The following CABLES1 variants were observed in gnomAD, a reference collection of about 807,000 sequenced individuals.
CABLES1 encodes the protein Cdk5 and Abl enzyme substrate 1, also known as CDK5 and ABL1 enzyme substrate 1.
CABLES1 carries 36 observed loss-of-function variants against 57.8 expected under a neutral mutation model. The observed-to-expected ratio is 0.62, with a 90% CI of 0.48 to 0.82. CABLES1 has a LOEUF of 0.82. Ranked by LOEUF, CABLES1 falls within the 40% of genes least tolerant of loss-of-function variation. CABLES1 has a pLI of 0.00. For missense variants in CABLES1, 767 were observed against 836.6 expected (o/e 0.92, Z 1.03); for synonymous variants, 374 against 363.0 (o/e 1.03, Z -0.35).
rs1387700669 is a variant in CABLES1 at position 23,135,611 on chromosome 18, G to A, written c.-152G>A. The A allele has an allele frequency of 1.3e-4, 65 of 495,374 alleles. No homozygotes were observed. Among genetic ancestry groups the A allele is most frequent in the Non-Finnish European group, 1.6e-4 (61 of 383,666 alleles). The allele number at this position is 495,374 out of a possible 1,614,324, so 30.7% of individuals were successfully genotyped here. On this transcript the variant is annotated 5_prime_UTR_variant, in exon 1 of 10. An upstream start codon of the reference 5' UTR is lost. Coordinates refer to ENST00000256925, the MANE Select transcript of CABLES1 (RefSeq NM_001100619.3). ...ATCCCCAGCACCGAGGGGCGAGCATGGCCCGCCCGCGGGGGGGCTGGACCG... is the reference window on the plus strand; with the variant it reads ...ATCCCCAGCACCGAGGGGCGAGCATAGCCCGCCCGCGGGGGGGCTGGACCG...
chr18:23,142,623 CTTA>C (rs2046864557), intron 1 of CABLES1, among the ~76,000 whole-genome samples: 1 of 152,198 alleles, frequency 6.6e-6, no homozygotes, highest in Non-Finnish European at 1.5e-5. Flanking sequence ...CCTTGTATCA[CTTA>C]TTCATTCAAC....
intron 7 of CABLES1, among the ~76,000 whole-genome samples, chr18:23,244,691 C>T (rs974631574): frequency 6.6e-6 from 1 of 152,206 alleles, no homozygotes; most frequent in African/African-American, 2.4e-5. Flanking sequence ...TGGCTGTTGG[C>T]GCTGGAAGGA....
At chr18:23,168,241 C>T (rs753047889) in intron 1 of CABLES1, among the ~76,000 whole-genome samples, 46 of 152,184 alleles carry the variant, frequency 3.0e-4, no homozygotes, top group Middle Eastern at 6.8e-3. Context: ...AATGGATACA[C>T]GAAAATGACG....
At chr18:23,178,982 C>G (rs940329850) in intron 1 of CABLES1, among the ~76,000 whole-genome samples, 1 of 152,144 alleles carries the variant, frequency 6.6e-6, no homozygotes, top group Non-Finnish European at 1.5e-5. Flanking sequence ...TAAAACATAG[C>G]CAGATTCAAA....
At chr18:23,248,538 TAA>T (rs1555671607) in intron 7 of CABLES1, among the ~76,000 whole-genome samples, 8 of 93,610 alleles carry the variant, frequency 8.5e-5, no homozygotes, top group African/African-American at 2.8e-4. Context: ...TTTTTTTTTT[TAA>T]AAAAAGGCTG....
At chr18:23,191,726 T>C (rs1452407516) in intron 2 of CABLES1, among the ~76,000 whole-genome samples, 1 of 152,080 alleles carries the variant, frequency 6.6e-6, no homozygotes, top group Non-Finnish European at 1.5e-5. Context: ...TTTGCATCAC[T>C]TAAAATGTAT....
At chr18:23,254,433 G>A (rs1362088542) in intron 9 of CABLES1, among the ~76,000 whole-genome samples, 1 of 152,178 alleles carries the variant, frequency 6.6e-6, no homozygotes, top group Non-Finnish European at 1.5e-5. Flanking sequence ...CTACATGAAT[G>A]CCTGTTTTAG....
At chr18:23,255,402 A>G (rs769503842) in intron 9 of CABLES1, among the ~76,000 whole-genome samples, 1 of 152,172 alleles carries the variant, frequency 6.6e-6, no homozygotes, top group Non-Finnish European at 1.5e-5. Context: ...CCCCAATTGA[A>G]AAGAGTATTT....
At chr18:23,178,040 T>G (rs2047137389) in intron 1 of CABLES1, among the ~76,000 whole-genome samples, 1 of 152,198 alleles carries the variant, frequency 6.6e-6, no homozygotes, top group Non-Finnish European at 1.5e-5. Flanking sequence ...AGGGTGAAGC[T>G]GGCCCTTTTA....
chr18:23,248,332 C>T lies in CABLES1; in HGVS notation c.1447-4628C>T, dbSNP rs118104551. 1.7e-3 allele frequency among the ~76,000 whole-genome samples: 256 copies of T among 152,180 alleles called. 2 individuals are homozygous for T. The highest frequency in any genetic ancestry group is 5.3e-4 in the Non-Finnish European group (36 of 67,986). On this transcript the variant is annotated intron_variant, in intron 7 of 9. Transcript: ENST00000256925. ...GGTAAATGCAATCAGCAGAATACAG[C>T]GTGTGCAGCAGGCATGGTTCAGTTC...
Position 23,207,641 on chromosome 18 carries a change from C to T in CABLES1, c.1011-6336C>T, listed in dbSNP as rs76526977. Among the ~76,000 whole-genome samples, 7 of 152,260 alleles carry T rather than the reference C, an allele frequency of 4.6e-5. No individual in the cohort carries two copies. The East Asian group carries it at 1.4e-3, about 29-fold the overall frequency. On this transcript the variant is annotated intron_variant, in intron 3 of 9. Transcript: ENST00000256925. ...AGCTGGGCCATTCATCATCAGATCC[C>T]CAGCACCTAGTACAATGTCTGGCAT...
intron 1 of CABLES1, among the ~76,000 whole-genome samples, chr18:23,184,519 G>A (rs538288362): frequency 6.6e-6 from 1 of 152,102 alleles, no homozygotes; most frequent in African/African-American, 2.4e-5. Context: ...CCTGGCCAAT[G>A]TGGCGAAACC....
At chr18:23,162,424 A>G (rs1211549558) in intron 1 of CABLES1, among the ~76,000 whole-genome samples, 1 of 152,220 alleles carries the variant, frequency 6.6e-6, no homozygotes, top group Non-Finnish European at 1.5e-5. Flanking sequence ...TAAATCTGAC[A>G]GTACCTGACC....
intron 4 of CABLES1, among the ~76,000 whole-genome samples, chr18:23,231,997 C>T (rs1175207680): frequency 6.6e-6 from 1 of 152,112 alleles, no homozygotes; most frequent in Non-Finnish European, 1.5e-5. Flanking sequence ...AGTTTCATGC[C>T]ATCTGCATGT....
rs757443766 is a variant in CABLES1, at chr18:23,188,901, T to G, written c.909T>G (p.Pro303=). 3.0e-5 allele frequency: 49 copies of G among 1,610,426 alleles called. No individual in the cohort carries two copies. The South Asian group carries it at 5.4e-4, about 18-fold the overall frequency. The change falls in exon 2 of 10, where the codon CCT becomes CCG. Residue 303 remains proline, a synonymous_variant. Coordinates refer to ENST00000256925, the MANE Select transcript of CABLES1 (RefSeq NM_001100619.3). ...ETLEDIEENA[P]LRRCRTLSGS... ...TGGAAGATATTGAGGAGAACGCCCC[T>G]CTCCGGAGGTAATTTTCTGTTTCAT...
chr18:23,205,547 C>T (rs1011196286), intron 3 of CABLES1, among the ~76,000 whole-genome samples: 1 of 152,112 alleles, frequency 6.6e-6, no homozygotes, highest in African/African-American at 2.4e-5. Context: ...CTTACCTTAG[C>T]CCCCAAAATT....
chr18:23,146,353 G>A (rs1881657291), intron 1 of CABLES1, among the ~76,000 whole-genome samples: 1 of 151,976 alleles, frequency 6.6e-6, no homozygotes, highest in South Asian at 2.1e-4. Flanking sequence ...GCCCAGGCTG[G>A]AGTGCAATGC....
intron 3 of CABLES1, among the ~76,000 whole-genome samples, chr18:23,209,879 G>C (rs184599085): frequency 3.7e-4 from 56 of 149,490 alleles, no homozygotes; most frequent in African/African-American, 1.3e-3. Context: ...GTCACCTTGC[G>C]GGGGGGCGGT....
chr18:23,217,803 G>A (rs539144143), intron 4 of CABLES1, among the ~76,000 whole-genome samples: 2 of 152,256 alleles, frequency 1.3e-5, no homozygotes, highest in African/African-American at 2.4e-5. Context: ...TTACTTTTAC[G>A]CTGAAGTTCT....
Sources: gnomAD v4.1 joint callset for allele counts (sites outside exome capture counted in the v4.1 genomes callset) on GRCh38, gnomAD v4.1.1 for gene constraint, MANE v1.5 for transcripts, NCBI Gene and HGNC (gene_info 2026-07-23, HGNC 2026-07-21) for gene names.